Variants in TNFRSF19 observed in about 807,000 individuals in gnomAD.
TNFRSF19 encodes the protein TNF receptor superfamily member 19.
A neutral mutation model predicts 46.4 loss-of-function variants in TNFRSF19; 27 were observed. The ratio of observed to expected loss-of-function variants is 0.58; its 90% CI spans 0.43 to 0.80. TNFRSF19 has a LOEUF of 0.80. Among genes scored for constraint, TNFRSF19 ranks in the 30% least tolerant of loss-of-function variants. TNFRSF19 has a pLI of 0.00. For missense variants in TNFRSF19, 511 were observed against 530.8 expected (o/e 0.96, Z 0.37); for synonymous variants, 204 against 205.0 (o/e 1.00, Z 0.04).
In TNFRSF19 at chr13:23,614,912, T is replaced by A. The variant is rs1881166085; in HGVS notation, c.181-955T>A. Among the ~76,000 whole-genome samples the A allele has an allele frequency of 4.6e-5, 7 of 152,060 alleles. No homozygotes were observed. In the East Asian group the frequency reaches 1.4e-3, roughly 29 times the overall value. ...CTCTGACGCTCTATCCCCCAATCTATGAAATGGGAAAAATGGCAGTGCTGC... is the reference window on the plus strand; with the variant it reads ...CTCTGACGCTCTATCCCCCAATCTAAGAAATGGGAAAAATGGCAGTGCTGC... On this transcript the variant is annotated intron_variant, in intron 3 of 9. Coordinates refer to ENST00000248484, the MANE Select transcript of TNFRSF19 (RefSeq NM_148957.4).
intron 7 of TNFRSF19, among the ~76,000 whole-genome samples, chr13:23,661,153 A>G (rs1022140114): frequency 3.9e-5 from 6 of 152,232 alleles, no homozygotes; most frequent in African/African-American, 1.2e-4. Context: ...ATTTAAGCCT[A>G]GTACCCAATA....
intron 9 of TNFRSF19, among the ~76,000 whole-genome samples, chr13:23,671,507 GAA>G (rs5802247): frequency 6.0e-5 from 9 of 149,312 alleles, no homozygotes; most frequent in South Asian, 2.1e-4. Context: ...CCAGATGCTG[GAA>G]AAAAAAAAAA....
At chr13:23,599,476 G>T (rs1374414436) in intron 3 of TNFRSF19, among the ~76,000 whole-genome samples, 1 of 152,138 alleles carries the variant, frequency 6.6e-6, no homozygotes, top group African/African-American at 2.4e-5. Flanking sequence ...GGAGACATAA[G>T]ACATTACTCA....
chr13:23,611,517 C>T (rs1369576662), intron 3 of TNFRSF19, among the ~76,000 whole-genome samples: 3 of 152,058 alleles, frequency 2.0e-5, no homozygotes, highest in African/African-American at 7.2e-5. Context: ...CCAGATTTAG[C>T]CAGGTTTTTG....
intron 4 of TNFRSF19, among the ~76,000 whole-genome samples, chr13:23,618,283 A>G (rs944308978): frequency 1.3e-5 from 2 of 152,230 alleles, no homozygotes; most frequent in Admixed American, 1.3e-4. Context: ...ATGTCCTCAC[A>G]TATTCTTACA....
intron 5 of TNFRSF19, among the ~76,000 whole-genome samples, chr13:23,634,066 T>A (rs1309637226): frequency 1.3e-5 from 2 of 152,244 alleles, no homozygotes; most frequent in Non-Finnish European, 2.9e-5. Flanking sequence ...AAAAGTTTCT[T>A]AAACACATGT....
At chr13:23,650,179 T>C (rs760964335) in intron 5 of TNFRSF19, among the ~76,000 whole-genome samples, 2 of 152,218 alleles carry the variant, frequency 1.3e-5, no homozygotes, top group African/African-American at 4.8e-5. Context: ...GACTGACTTA[T>C]TAATTAACAT....
At chr13:23,588,493 T>A (rs1879007150) in intron 1 of TNFRSF19, among the ~76,000 whole-genome samples, 1 of 152,214 alleles carries the variant, frequency 6.6e-6, no homozygotes, top group Non-Finnish European at 1.5e-5. Flanking sequence ...CTATCCAGAC[T>A]AATTGCTCGA....
chr13:23,663,630 A>G (rs540519695), intron 7 of TNFRSF19, among the ~76,000 whole-genome samples: 1 of 152,176 alleles, frequency 6.6e-6, no homozygotes. Context: ...CTGTGAATCC[A>G]TCTGGTCCTT....
chr13:23,603,901 T>A (rs1880337925), intron 3 of TNFRSF19, among the ~76,000 whole-genome samples: 1 of 152,074 alleles, frequency 6.6e-6, no homozygotes, highest in South Asian at 2.1e-4. Flanking sequence ...TCATACTTAA[T>A]GATGGAAACT....
intron 3 of TNFRSF19, among the ~76,000 whole-genome samples, chr13:23,599,644 G>A (rs997381332): frequency 1.3e-5 from 2 of 152,156 alleles, no homozygotes; most frequent in African/African-American, 2.4e-5. Context: ...AGAGTCAATA[G>A]AAAGGAATGT....
intron 5 of TNFRSF19, among the ~76,000 whole-genome samples, chr13:23,629,195 C>A (rs763314654): frequency 9.9e-5 from 15 of 151,974 alleles, no homozygotes; most frequent in Non-Finnish European, 2.2e-4. Context: ...GAAAGTGACA[C>A]CTCTCAAGCT....
At chr13:23,638,224 C>T (rs1250629671) in intron 5 of TNFRSF19, among the ~76,000 whole-genome samples, 1 of 87,946 alleles carries the variant, frequency 1.1e-5, no homozygotes, top group Non-Finnish European at 3.1e-5. Context: ...GGTTCCTTTA[C>T]TCTCTCATGT....
intron 1 of TNFRSF19, among the ~76,000 whole-genome samples, chr13:23,588,275 C>A (rs952270174): frequency 5.9e-5 from 9 of 152,166 alleles, no homozygotes; most frequent in African/African-American, 1.9e-4. Flanking sequence ...GTCTCAATAA[C>A]AACAGCAGCA....
At chr13:23,653,463 G>C (rs1023180443) in intron 5 of TNFRSF19, among the ~76,000 whole-genome samples, 2 of 152,224 alleles carry the variant, frequency 1.3e-5, no homozygotes, top group Non-Finnish European at 2.9e-5. Flanking sequence ...AGAGAAAGCA[G>C]GGCAGTGGGT....
At chr13:23,601,196 T>C (rs1880134015) in intron 3 of TNFRSF19, among the ~76,000 whole-genome samples, 1 of 151,842 alleles carries the variant, frequency 6.6e-6, no homozygotes, top group Admixed American at 6.6e-5. Flanking sequence ...ACCAAGTATA[T>C]CATTTGCAAA....
chr13:23,653,956 A>G (rs867370162), intron 5 of TNFRSF19, among the ~76,000 whole-genome samples: 1 of 151,996 alleles, frequency 6.6e-6, no homozygotes. Flanking sequence ...CACCTGCCCT[A>G]ATAGAATGTT....
chr13:23,594,669 G>T (rs1267883720), intron 3 of TNFRSF19, among the ~76,000 whole-genome samples: 2 of 152,226 alleles, frequency 1.3e-5, no homozygotes, highest in African/African-American at 4.8e-5. Context: ...TCAGGGAAGG[G>T]GTGGCTGTGG....
chr13:23,592,360 A>T (rs1045222603), intron 2 of TNFRSF19, among the ~76,000 whole-genome samples: 6 of 152,180 alleles, frequency 3.9e-5, no homozygotes, highest in African/African-American at 1.4e-4. Context: ...CAATTCTGTG[A>T]TGCTGCTAAT....
Sources: gnomAD v4.1 joint callset for allele counts (sites outside exome capture counted in the v4.1 genomes callset) on GRCh38, gnomAD v4.1.1 for gene constraint, MANE v1.5 for transcripts, NCBI Gene and HGNC (gene_info 2026-07-23, HGNC 2026-07-21) for gene names.